Variants in GRM1 observed in about 807,000 individuals in gnomAD.
The protein encoded by GRM1 is glutamate metabotropic receptor 1, also known as metabotropic glutamate receptor 1.
In GRM1, 33 loss-of-function variants were observed where a neutral mutation model predicts 90.9. The observed-to-expected ratio is 0.36, with a 90% CI of 0.28 to 0.49. GRM1 has a LOEUF of 0.49. Ranked by LOEUF, GRM1 falls within the 20% of genes least tolerant of loss-of-function variation. The pLI is 0.99. For synonymous variants in GRM1, 700 were observed against 613.2 expected (o/e 1.14, Z -2.09); for missense variants, 1,190 against 1,534.3 (o/e 0.78, Z 3.75).
At chr6:146,153,167 C>T (rs927773023) in intron 1 of GRM1, among the ~76,000 whole-genome samples, 5 of 152,194 alleles carry the variant, frequency 3.3e-5, no homozygotes, top group African/African-American at 7.2e-5. Flanking sequence ...ACAAGCGACA[C>T]TTTCTTTAGA....
chr6:146,321,760 GT>G (rs1283407189), intron 3 of GRM1, among the ~76,000 whole-genome samples: 5 of 152,060 alleles, frequency 3.3e-5, no homozygotes, highest in African/African-American at 1.2e-4. Context: ...TTTAAAGTCT[GT>G]TTTATCAGAG....
chr6:146,280,092 A>G (rs1480413475), intron 2 of GRM1, among the ~76,000 whole-genome samples: 1 of 151,820 alleles, frequency 6.6e-6, no homozygotes, highest in Non-Finnish European at 1.5e-5. Flanking sequence ...TTTTCATTCT[A>G]ATTGCTCTCA....
chr6:146,109,165 A>G lies in GRM1; in HGVS notation c.701-50183A>G, dbSNP rs750016039. On this transcript the variant is annotated intron_variant, in intron 1 of 7. Transcript: ENST00000282753. The stretch of plus-strand genomic sequence containing the variant: ...GAGGAGCCAAATGTTAACCCCCAAG[A>G]CAATGGGGAAAATGTCTCCAGAGCA... 1.1e-4 allele frequency among the ~76,000 whole-genome samples: 16 copies of G among 152,310 alleles called. No homozygotes were observed. In the Middle Eastern group the frequency reaches 0.01, roughly 97 times the overall value.
intron 1 of GRM1, among the ~76,000 whole-genome samples, chr6:146,058,265 T>C (rs1400905276): frequency 6.6e-6 from 1 of 152,136 alleles, no homozygotes; most frequent in Admixed American, 6.6e-5. Context: ...GCTATACAGG[T>C]GTACCTCAGA....
intron 2 of GRM1, among the ~76,000 whole-genome samples, chr6:146,221,370 A>G (rs1780056373): frequency 6.6e-6 from 1 of 151,946 alleles, no homozygotes; most frequent in African/African-American, 2.4e-5. Flanking sequence ...GACAGGCCCC[A>G]GTGTGTGATG....
intron 1 of GRM1, among the ~76,000 whole-genome samples, chr6:146,099,773 T>A (rs1776990728): frequency 1.3e-5 from 2 of 152,222 alleles, no homozygotes; most frequent in Non-Finnish European, 2.9e-5. Flanking sequence ...TTTAAATGAA[T>A]ATACCACAGT....
chr6:146,401,312 C>CT (rs1178225764), intron 7 of GRM1, among the ~76,000 whole-genome samples: 1 of 151,856 alleles, frequency 6.6e-6, no homozygotes, highest in Non-Finnish European at 1.5e-5. Context: ...AGTGGTTAGC[C>CT]TTTTTTTTCC....
At chr6:146,255,289 C>G (rs1781439409) in intron 2 of GRM1, among the ~76,000 whole-genome samples, 1 of 152,052 alleles carries the variant, frequency 6.6e-6, no homozygotes, top group African/African-American at 2.4e-5. Flanking sequence ...ATAATTGACT[C>G]AATTCTTTAT....
chr6:146,178,551 G>T (rs1040000566), intron 2 of GRM1, among the ~76,000 whole-genome samples: 1 of 152,046 alleles, frequency 6.6e-6, no homozygotes, highest in African/African-American at 2.4e-5. Flanking sequence ...TAATAATTTT[G>T]TGCATGAAAC....
In GRM1 at chr6:146,221,792, CTTG is replaced by C. The variant is rs1189304933; in HGVS notation, c.950+62200_950+62202del. ...TAGTCTCTGTCACAACTACTAAACT[CTTG>C]TTGTGCTATGTACACAGCCATAAAC... On this transcript the variant is annotated intron_variant, in intron 2 of 7. Transcript: ENST00000282753. 5.3e-5 allele frequency among the ~76,000 whole-genome samples: 8 copies of C among 152,110 alleles called. 1 individual carries two copies. The highest frequency in any genetic ancestry group is 1.3e-4 in the Admixed American group (2 of 15,254).
Position 146,159,544 on chromosome 6 carries a change from C to T in GRM1, c.897C>T (p.Leu299=). 2 of 1,614,140 alleles carry T rather than the reference C, an allele frequency of 1.2e-6. No homozygotes were observed. The highest frequency in any genetic ancestry group is 1.7e-5 in the Admixed American group (1 of 60,034). The change falls in exon 2 of 8, where the codon CTC becomes CTT. Residue 299 remains leucine, a synonymous_variant. Coordinates refer to ENST00000282753, the MANE Select transcript of GRM1 (RefSeq NM_001278064.2). ...GTGAAGGCATGACAGTGCGAGGACT[C>T]CTGAGCGCCATGCGGCGCCTTGGCG... ...CFCEGMTVRG[L]LSAMRRLGVV...
chr6:146,376,304 A>T (rs1776096108), intron 5 of GRM1, among the ~76,000 whole-genome samples: 1 of 152,134 alleles, frequency 6.6e-6, no homozygotes, highest in South Asian at 2.1e-4. Context: ...ACTTAAGAGT[A>T]GTTTACATAC....
intron 2 of GRM1, among the ~76,000 whole-genome samples, chr6:146,191,123 C>T (rs1778923335): frequency 6.6e-6 from 1 of 152,156 alleles, no homozygotes; most frequent in African/African-American, 2.4e-5. Flanking sequence ...GGTCAGTTCC[C>T]CTTTCAGGAA....
chr6:146,382,655 G>T (rs1476361294), intron 5 of GRM1, among the ~76,000 whole-genome samples: 3 of 152,032 alleles, frequency 2.0e-5, no homozygotes, highest in African/African-American at 4.8e-5. Context: ...GACAAAGTCA[G>T]GTACAGAAAC....
chr6:146,150,933 TGC>T (rs1162604541), intron 1 of GRM1, among the ~76,000 whole-genome samples: 2 of 127,024 alleles, frequency 1.6e-5, no homozygotes, highest in South Asian at 4.6e-4. Flanking sequence ...CACACGCGTG[TGC>T]GCGCACACAC....
Position 146,375,561 on chromosome 6 carries a change from C to T in GRM1, c.1603-11329C>T, listed in dbSNP as rs149103500. Among the ~76,000 whole-genome samples, 19 of 151,950 alleles carry T rather than the reference C, an allele frequency of 1.3e-4. No homozygotes were observed. The East Asian group carries it at 3.1e-3, about 25-fold the overall frequency. Reference sequence around the variant, plus strand: ...TATAGCTCTAATAATATTTCCTTTACCTATCTAGGTGCTCCAGTATTTGGT... The same window carrying T: ...TATAGCTCTAATAATATTTCCTTTATCTATCTAGGTGCTCCAGTATTTGGT... On this transcript the variant is annotated intron_variant, in intron 5 of 7. Transcript: ENST00000282753.
chr6:146,363,405 T>C (rs1036004817), intron 5 of GRM1, among the ~76,000 whole-genome samples: 3 of 152,200 alleles, frequency 2.0e-5, no homozygotes, highest in African/African-American at 7.2e-5. Flanking sequence ...TTAGTTAACC[T>C]AGCTTCTGCA....
chr6:146,347,693 G>C (rs1461940541), intron 3 of GRM1, among the ~76,000 whole-genome samples: 1 of 152,176 alleles, frequency 6.6e-6, no homozygotes, highest in African/African-American at 2.4e-5. Context: ...TTCTAGAAAT[G>C]CTCCATACCA....
At chr6:146,305,425 G>C (rs1483084612) in intron 3 of GRM1, among the ~76,000 whole-genome samples, 1 of 152,160 alleles carries the variant, frequency 6.6e-6, no homozygotes, top group Non-Finnish European at 1.5e-5. Context: ...AAGTTCTTCA[G>C]GGGTGTGGTG....
Sources: allele counts gnomAD v4.1 joint callset (sites outside exome capture counted in the v4.1 genomes callset), GRCh38; gene constraint gnomAD v4.1.1; transcripts MANE v1.5; gene names NCBI Gene and HGNC (gene_info 2026-07-23, HGNC 2026-07-21).